The following AP2A2 variants were observed in gnomAD, a reference collection of about 807,000 sequenced individuals.
The protein encoded by AP2A2 is AP-2 complex subunit alpha-2.
A neutral mutation model predicts 104.2 loss-of-function variants in AP2A2; 32 were observed. That is an observed-to-expected ratio of 0.31 (90% CI 0.23 to 0.41). The LOEUF is 0.41. Among genes scored for constraint, AP2A2 ranks in the 10% least tolerant of loss-of-function variants. The probability of loss-of-function intolerance (pLI) is 1.00; values close to 1 mark genes in which losing one functional copy is unlikely to be tolerated. For missense variants in AP2A2, 912 were observed against 1,261.0 expected, an observed-to-expected ratio of 0.72 and a Z score of 4.19; for synonymous variants, 539 against 533.3, an observed-to-expected ratio of 1.01 and a Z score of -0.15.
At chr11:987,784 C>G (rs1318885854) in intron 9 of AP2A2, among the ~76,000 whole-genome samples, 1 of 152,252 alleles carries the variant, frequency 6.6e-6, no homozygotes, top group East Asian at 1.9e-4. Context: ...CCACCAAGTC[C>G]CTAGTCACCG....
At chr11:970,565 C>T (rs1292579050) in intron 3 of AP2A2, among the ~76,000 whole-genome samples, 3 of 152,270 alleles carry the variant, frequency 2.0e-5, no homozygotes, top group Admixed American at 6.5e-5. Flanking sequence ...CTCCTGCATG[C>T]GGTTTTCCTG....
rs1856410504 is a variant in AP2A2 at position 1,011,014 on chromosome 11, C to T, written c.*389C>T. 1.5e-6 allele frequency: 1 copy of T among 681,776 alleles called. No homozygotes were observed. Among genetic ancestry groups the T allele is most frequent in the Non-Finnish European group, 2.7e-6 (1 of 366,232 alleles). The allele number at this position is 681,776 out of a possible 1,614,324, so 42.2% of individuals were successfully genotyped here. A position where few individuals can be genotyped will look rare whatever the true frequency, so the allele number is the denominator to read the frequency against. On this transcript the variant is annotated 3_prime_UTR_variant, in exon 22 of 22. Coordinates refer to ENST00000448903, the MANE Select transcript of AP2A2 (RefSeq NM_012305.4). The stretch of plus-strand genomic sequence containing the variant: ...GGAGCCTCTGGGAGCAGCAGTGCCA[C>T]TGTGCATGGCGTGGGCTGAGCCTTG...
chr11:934,771 T>C (rs930398904), intron 1 of AP2A2, among the ~76,000 whole-genome samples: 2 of 152,196 alleles, frequency 1.3e-5, no homozygotes, highest in African/African-American at 4.8e-5. Context: ...CAGGCGGCAC[T>C]GTATTAGGAT....
rs1856401400 is a variant in AP2A2 at position 1,010,761 on chromosome 11, C to T, written c.*136C>T. 5.3e-6 allele frequency: 4 copies of T among 750,758 alleles called. No individual in the cohort carries two copies. Among genetic ancestry groups the T allele is most frequent in the Admixed American group, 4.0e-5 (2 of 49,996 alleles). 46.5% of individuals were successfully genotyped at this position (750,758 alleles called of 1,614,324 possible). A position where few individuals can be genotyped will look rare whatever the true frequency, so the allele number is the denominator to read the frequency against. On this transcript the variant is annotated 3_prime_UTR_variant, in exon 22 of 22. Transcript: ENST00000448903. ...CGCCTCCCCGCCCCGCCGCCCCACACCTCTCCCCTTTGGGCTGGACGGGAA... is the reference window on the plus strand; with the variant it reads ...CGCCTCCCCGCCCCGCCGCCCCACATCTCTCCCCTTTGGGCTGGACGGGAA...
intron 1 of AP2A2, among the ~76,000 whole-genome samples, chr11:932,989 G>A (rs1448726455): frequency 6.6e-6 from 1 of 152,190 alleles, no homozygotes; most frequent in Admixed American, 6.6e-5. Context: ...AATCAAATAC[G>A]CCGGGCGCTG....
intron 2 of AP2A2, among the ~76,000 whole-genome samples, chr11:960,947 C>G (rs1251933873): frequency 6.6e-6 from 1 of 152,284 alleles, no homozygotes; most frequent in African/African-American, 2.4e-5. Context: ...GCGTGAGCCT[C>G]TGCGCCCGGT....
At chr11:988,472 G>A (rs1855537691) in intron 9 of AP2A2, 80 bp from the exon 10 acceptor site, 6 of 1,534,600 alleles carry the variant, frequency 3.9e-6, no homozygotes, top group Non-Finnish European at 3.5e-6. Context: ...GTTGAGATGC[G>A]GGTGCCGAGC....
intron 2 of AP2A2, among the ~76,000 whole-genome samples, chr11:963,805 T>G (rs1317676506): frequency 2.6e-5 from 4 of 152,216 alleles, no homozygotes; most frequent in African/African-American, 9.7e-5. Flanking sequence ...AAAAAAAGTT[T>G]TGTAGAGATG....
At chr11:928,664 T>TCCG (rs949596472) in intron 1 of AP2A2, among the ~76,000 whole-genome samples, 89 of 152,258 alleles carry the variant, frequency 5.8e-4, no homozygotes, top group African/African-American at 1.8e-3. Flanking sequence ...GGCAAAGTTG[T>TCCG]CCGCCGTCGA....
intron 1 of AP2A2, among the ~76,000 whole-genome samples, chr11:929,144 G>A (rs1370459422): frequency 6.6e-6 from 1 of 152,212 alleles, no homozygotes; most frequent in Non-Finnish European, 1.5e-5. Flanking sequence ...CTGGTGCCTG[G>A]AGACGGGATT....
chr11:945,198 C>G (rs1853790877), intron 1 of AP2A2, among the ~76,000 whole-genome samples: 1 of 152,018 alleles, frequency 6.6e-6, no homozygotes, highest in Admixed American at 6.5e-5. Flanking sequence ...AGGGTGACTC[C>G]TAGCGTGGGT....
Position 930,719 on chromosome 11 carries a change from A to T in AP2A2, c.67+4631A>T, listed in dbSNP as rs993848325. Among the ~76,000 whole-genome samples the T allele has an allele frequency of 4.6e-5, 7 of 152,000 alleles. No individual in the cohort carries two copies. The South Asian group carries it at 1.5e-3, about 32-fold the overall frequency. On this transcript the variant is annotated intron_variant, in intron 1 of 21. Transcript: ENST00000448903. ...GTATTTTTAGTAGAGACGGGGTTTCACCGTGTTAGCCAGGATGGTCTCGGT... is the reference window on the plus strand; with the variant it reads ...GTATTTTTAGTAGAGACGGGGTTTCTCCGTGTTAGCCAGGATGGTCTCGGT...
rs368334034 is a variant in AP2A2 at position 1,006,817 on chromosome 11, C to G, written c.2296+200C>G. 117 of 568,074 alleles carry G rather than the reference C, an allele frequency of 2.1e-4. 1 individual carries two copies. Among genetic ancestry groups the G allele is most frequent in the African/African-American group, 2.0e-3 (106 of 52,736 alleles). The allele number at this position is 568,074 out of a possible 1,614,324, so 35.2% of individuals were successfully genotyped here. ...ACAGGCAGTCTTCCATATTGGAGAGCCAGCTTTTGATCATGCACCTAAAAA... is the reference window on the plus strand; with the variant it reads ...ACAGGCAGTCTTCCATATTGGAGAGGCAGCTTTTGATCATGCACCTAAAAA... On this transcript the variant is annotated intron_variant, in intron 17 of 21. Transcript: ENST00000448903.
chr11:963,457 C>T lies in AP2A2; in HGVS notation c.136+3952C>T, dbSNP rs142387157. 3.4e-4 allele frequency among the ~76,000 whole-genome samples: 51 copies of T among 152,074 alleles called. No homozygotes were observed. The East Asian group carries it at 5.6e-3, about 17-fold the overall frequency. ...AAAAACTAAAAAAAAAACAAGGTAC[C>T]GAGTTATTTTATACCAGGTCTTTGA... On this transcript the variant is annotated intron_variant, in intron 2 of 21. Transcript: ENST00000448903.
Position 989,081 on chromosome 11 carries a change from G to A in AP2A2, c.1269+392G>A, listed in dbSNP as rs144986790. 6.7e-3 allele frequency among the ~76,000 whole-genome samples: 1,016 copies of A among 152,202 alleles called. 5 individuals carry two copies. Among genetic ancestry groups the A allele is most frequent in the Non-Finnish European group, 0.011 (773 of 68,006 alleles). ...TGGTGGCTCACGCCTGTACACCTTG[G>A]GAGGCCAAGGCGGGCGGATCACCTG... On this transcript the variant is annotated intron_variant, in intron 10 of 21. Transcript: ENST00000448903.
rs1291967714 is a variant in AP2A2, at chr11:993,804, T to C, written c.1601T>C (p.Val534Ala). 3.7e-6 allele frequency: 6 copies of C among 1,607,376 alleles called. No homozygotes were observed. The highest frequency in any genetic ancestry group is 5.1e-6 in the Non-Finnish European group (6 of 1,179,260). The stretch of plus-strand genomic sequence containing the variant: ...CACTCCAAGTTCCACCTGTGCAGCG[T>C]CCCCACCCGCGCGCTGCTCCTGTCC... ...LLHSKFHLCS[V>A]PTRALLLSTY... The change falls in exon 13 of 22, where the codon GTC (valine) becomes GCC (alanine). Residue 534 changes from valine to alanine, a missense_variant. Around this residue, in one of 7 missense-constraint regions of AP2A2, gnomAD observed 137 missense variants for 186.9 expected, o/e 0.73. Coordinates refer to ENST00000448903, the MANE Select transcript of AP2A2 (RefSeq NM_012305.4). The surrounding 1 kb of genome is among the most constrained non-coding windows in gnomAD (Gnocchi z 8.2).
At chr11:1,007,927 C>CCA in intron 17 of AP2A2, 85 bp from the exon 18 acceptor site, 1 of 1,543,978 alleles carries the variant, frequency 6.5e-7, no homozygotes, top group South Asian at 1.2e-5. Context: ...GTGCTCGCCT[C>CCA]CACGGGTCCT....
intron 17 of AP2A2, chr11:1,007,675 C>T: frequency 2.8e-6 from 1 of 359,914 alleles, no homozygotes; most frequent in South Asian, 3.2e-5. Context: ...TAAAGTTTTC[C>T]TGCCCTACTA....
At chr11:970,666 C>T (rs1269993466) in intron 3 of AP2A2, among the ~76,000 whole-genome samples, 1 of 152,270 alleles carries the variant, frequency 6.6e-6, no homozygotes. Flanking sequence ...GTGCCGCACG[C>T]GGCCCAGCGT....
Sources: allele counts gnomAD v4.1 joint callset (sites outside exome capture counted in the v4.1 genomes callset), GRCh38; gene constraint gnomAD v4.1.1; regional missense constraint gnomAD v4.1.1; non-coding constraint Gnocchi (gnomAD v3.1); transcripts MANE v1.5; gene names NCBI Gene and HGNC (gene_info 2026-07-23, HGNC 2026-07-21).